Variants in ABCB5 observed in about 807,000 individuals in gnomAD.
ABCB5 encodes the protein ATP-binding cassette sub-family B member 5.
A neutral mutation model predicts 144.2 loss-of-function variants in ABCB5; 155 were observed. The observed-to-expected ratio is 1.08, with a 90% CI of 0.94 to 1.23. ABCB5 has a LOEUF of 1.23. ABCB5 is among the 50% of genes most tolerant of loss of function. ABCB5 has a pLI of 0.00. For missense variants in ABCB5, 1,830 were observed against 1,520.8 expected (o/e 1.20, Z -3.38); for synonymous variants, 610 against 528.6 (o/e 1.15, Z -2.11).
intron 23 of ABCB5, among the ~76,000 whole-genome samples, chr7:20,733,889 C>T (rs1280235451): frequency 6.6e-6 from 1 of 152,130 alleles, no homozygotes; most frequent in Admixed American, 6.6e-5. Context: ...ATCCACCTCC[C>T]TTAGCCTCCC....
intron 14 of ABCB5, among the ~76,000 whole-genome samples, chr7:20,666,256 A>AC (rs1453250453): frequency 6.6e-6 from 1 of 152,030 alleles, no homozygotes; most frequent in Non-Finnish European, 1.5e-5. Context: ...AACTGAGGCA[A>AC]CCTTTTGGAA....
At position 20,755,581 on chromosome 7, in the gene ABCB5, G is replaced by A. The variant is rs573397335; in HGVS notation, c.3731G>A (p.Arg1244Gln). 3.7e-6 allele frequency: 6 copies of A among 1,614,178 alleles called. No individual in the cohort carries two copies. In the African/African-American group the frequency reaches 5.3e-5, roughly 14 times the overall value. ...QGTHQELLRN[R>Q]DIYFKLVNAQ... ...ACTCATCAAGAGCTCCTGAGAAATCGAGACATATATTTTAAGTTAGTGAAT... is the reference window on the plus strand; with the variant it reads ...ACTCATCAAGAGCTCCTGAGAAATCAAGACATATATTTTAAGTTAGTGAAT... The change falls in exon 28 of 28, where the codon CGA (arginine) becomes CAA (glutamine). Residue 1244 changes from arginine (R) to glutamine (Q), a missense_variant. Coordinates refer to ENST00000404938, the MANE Select transcript of ABCB5 (RefSeq NM_001163941.2).
At chr7:20,617,190 T>A (rs939708024) in intron 1 of ABCB5, among the ~76,000 whole-genome samples, 3 of 152,234 alleles carry the variant, frequency 2.0e-5, no homozygotes, top group Non-Finnish European at 4.4e-5. Flanking sequence ...ATGTCTAGGC[T>A]GTTCAGTGCT....
At chr7:20,726,984 GA>G in intron 21 of ABCB5, 55 bp from the exon 22 acceptor site, 1 of 1,289,864 alleles carries the variant, frequency 7.8e-7, no homozygotes, top group South Asian at 1.5e-5. Flanking sequence ...TCACAAATGG[GA>G]AAAGATTAAC....
At position 20,642,464 on chromosome 7, in the gene ABCB5, C is replaced by A. The variant is rs558391938; in HGVS notation, c.315-720C>A. Reference sequence around the variant, plus strand: ...TTTATCTGCACTAGCTCTCCCAACCCATGTTTACTCACCAGTTATTCTGTG... The same window carrying A: ...TTTATCTGCACTAGCTCTCCCAACCAATGTTTACTCACCAGTTATTCTGTG... On this transcript the variant is annotated intron_variant, in intron 5 of 27. Transcript: ENST00000404938. 3.3e-5 allele frequency among the ~76,000 whole-genome samples: 5 copies of A among 152,268 alleles called. No homozygotes were observed. In the South Asian group the frequency reaches 1.0e-3, roughly 32 times the overall value.
chr7:20,740,963 G>T (rs1488197137), intron 24 of ABCB5, among the ~76,000 whole-genome samples: 2 of 151,824 alleles, frequency 1.3e-5, no homozygotes, highest in Non-Finnish European at 2.9e-5. Context: ...AAAAATTAGG[G>T]TGTGGGGGCA....
chr7:20,680,813 A>G (rs78984229), intron 14 of ABCB5, among the ~76,000 whole-genome samples: 11,002 of 152,204 alleles, frequency 0.072, 528 homozygotes, highest in Non-Finnish European at 0.1. Flanking sequence ...TTTAAAGATG[A>G]AAACAATTAA....
In ABCB5 at chr7:20,628,800, A is replaced by C. The variant is rs752277784; in HGVS notation, c.221A>C (p.Asp74Ala). The C allele has an allele frequency of 1.9e-6, 3 of 1,613,692 alleles. No individual in the cohort carries two copies. In the African/African-American group the frequency reaches 4.0e-5, roughly 22 times the overall value. The change falls in exon 4 of 28, where the codon GAT (aspartate) becomes GCT (alanine). Residue 74 changes from aspartate (D) to alanine (A), a missense_variant. Asp to Ala is a moderately radical substitution (Grantham distance 126). Transcript: ENST00000404938. ...LMPLVLGEMSDNLISGCLVQT... is the reference protein window; with the variant it reads ...LMPLVLGEMSANLISGCLVQT... ...CCACTGGTTTTAGGAGAAATGAGTG[A>C]TAACCTTATTAGTGGATGTCTAGTC...
intron 15 of ABCB5, among the ~76,000 whole-genome samples, chr7:20,682,284 C>T (rs763385201): frequency 2.0e-5 from 3 of 152,154 alleles, no homozygotes; most frequent in Non-Finnish European, 2.9e-5. Flanking sequence ...AGAAATATAA[C>T]ACACAGTCTT....
At chr7:20,687,166 G>A (rs1347465714) in intron 16 of ABCB5, among the ~76,000 whole-genome samples, 1 of 152,182 alleles carries the variant, frequency 6.6e-6, no homozygotes, top group Non-Finnish European at 1.5e-5. Context: ...AGGAAACACT[G>A]TGTTAAAACA....
intron 5 of ABCB5, among the ~76,000 whole-genome samples, chr7:20,640,621 G>C (rs1161322704): frequency 6.6e-6 from 1 of 152,154 alleles, no homozygotes; most frequent in African/African-American, 2.4e-5. Context: ...AATAACACTT[G>C]CTTACAGTAC....
chr7:20,657,847 T>C (rs1784860423), intron 13 of ABCB5, among the ~76,000 whole-genome samples: 1 of 152,206 alleles, frequency 6.6e-6, no homozygotes, highest in Admixed American at 6.5e-5. Flanking sequence ...ATATTTAAAT[T>C]TATCTCCGTG....
chr7:20,666,818 T>A, intron 14 of ABCB5: 4 of 1,573,116 alleles, frequency 2.5e-6, no homozygotes, highest in Non-Finnish European at 2.6e-6. Flanking sequence ...TTGAGGTATC[T>A]GGAACCACAG....
At chr7:20,634,838 T>C (rs2128020272) in intron 5 of ABCB5, among the ~76,000 whole-genome samples, 1 of 152,286 alleles carries the variant, frequency 6.6e-6, no homozygotes, top group East Asian at 1.9e-4. Context: ...TGGCAAATAT[T>C]TTCTCCCATT....
At chr7:20,732,981 C>T (rs934285713) in intron 23 of ABCB5, among the ~76,000 whole-genome samples, 29 of 152,108 alleles carry the variant, frequency 1.9e-4, no homozygotes, top group African/African-American at 6.8e-4. Context: ...AATCTTTACT[C>T]AGTTTTAAGT....
At chr7:20,658,388 C>T (rs984871290) in intron 13 of ABCB5, 118 bp from the exon 14 acceptor site, 3 of 851,408 alleles carry the variant, frequency 3.5e-6, no homozygotes, top group Non-Finnish European at 5.2e-6. Flanking sequence ...CATAAGCACC[C>T]AGAGGCTGAA....
chr7:20,734,193 C>T (rs1252876504), intron 23 of ABCB5, among the ~76,000 whole-genome samples: 1 of 151,572 alleles, frequency 6.6e-6, no homozygotes, highest in Non-Finnish European at 1.5e-5. Context: ...TTTAGACACA[C>T]TAAATGATAC....
chr7:20,633,707 T>C (rs1046822173), intron 5 of ABCB5, among the ~76,000 whole-genome samples: 2 of 152,142 alleles, frequency 1.3e-5, no homozygotes, highest in Non-Finnish European at 2.9e-5. Flanking sequence ...TATAGGACAT[T>C]AGAACTTATT....
At chr7:20,634,183 C>A (rs1181679641) in intron 5 of ABCB5, among the ~76,000 whole-genome samples, 3 of 144,950 alleles carry the variant, frequency 2.1e-5, no homozygotes, top group Non-Finnish European at 3.0e-5. Flanking sequence ...CATGTTGCTG[C>A]AAAAAAAAAA....
Sources: allele counts gnomAD v4.1 joint callset (sites outside exome capture counted in the v4.1 genomes callset), GRCh38; gene constraint gnomAD v4.1.1; transcripts MANE v1.5; gene names NCBI Gene and HGNC (gene_info 2026-07-23, HGNC 2026-07-21).